The following TMEM91 variants were observed in gnomAD, a reference collection of about 807,000 sequenced individuals.
The protein encoded by TMEM91 is dispanin subfamily C member 3.
A neutral mutation model predicts 13.3 loss-of-function variants in TMEM91; 6 were observed. The ratio of observed to expected loss-of-function variants is 0.45; its 90% CI spans 0.25 to 0.89. The LOEUF is 0.89. Among genes scored for constraint, TMEM91 ranks in the 40% least tolerant of loss-of-function variants. The pLI is 0.19. For synonymous variants in TMEM91, 87 were observed against 101.7 expected, an observed-to-expected ratio of 0.86 and a Z score of 0.87; for missense variants, 193 against 228.7, an observed-to-expected ratio of 0.84 and a Z score of 1.01.
chr19:41,382,911 T>C lies in TMEM91; in HGVS notation c.350T>C (p.Leu117Pro). Residue 117 changes from leucine to proline, a missense_variant, in exon 3 of 4, where the codon CTA becomes CCA. Physicochemically the swap from Leu to Pro is moderately conservative, Grantham distance 98. Coordinates refer to ENST00000392002, the MANE Select transcript of TMEM91 (RefSeq NM_001098821.2). ...FWPVGIAAFC[L>P]AQKTNKAWAK... ...CCCGTTGGCATCGCTGCCTTCTGTC[T>C]AGCCCAGAAGGTCAGTCTGTGTGTG... 1 of 1,614,116 alleles carries C rather than the reference T, an allele frequency of 6.2e-7. No homozygotes were observed. The highest frequency in any genetic ancestry group is 8.5e-7 in the Non-Finnish European group (1 of 1,179,996).
chr19:41,382,914 CCCA>C lies in TMEM91; in HGVS notation c.354_356del (p.Gln119del), dbSNP rs758476848. Reference sequence around the variant, plus strand: ...GTTGGCATCGCTGCCTTCTGTCTAGCCCAGAAGGTCAGTCTGTGTGTGGGACTT... The same window carrying C: ...GTTGGCATCGCTGCCTTCTGTCTAGCGAAGGTCAGTCTGTGTGTGGGACTT... On this transcript the variant is annotated inframe_deletion, in exon 3 of 4. Transcript: ENST00000392002. 6.2e-7 allele frequency: 1 copy of C among 1,614,064 alleles called. No homozygotes were observed. Among genetic ancestry groups the C allele is most frequent in the East Asian group, 2.2e-5 (1 of 44,876 alleles).
intron 1 of TMEM91, among the ~76,000 whole-genome samples, chr19:41,371,133 C>T (rs886867488): frequency 2.0e-5 from 3 of 151,898 alleles, no homozygotes; most frequent in African/African-American, 7.3e-5. Context: ...TCCCGAGTAG[C>T]TGGGATTACA....
chr19:41,375,297 T>TTTTTTTTTC (rs869066634), upstream of TMEM91, among the ~76,000 whole-genome samples: 171 of 113,264 alleles, frequency 1.5e-3, 4 homozygotes, highest in South Asian at 2.4e-3. Flanking sequence ...TTTTTTTTTT[T>TTTTTTTTTC]TGAGACGGAG....
intron 2 of TMEM91, among the ~76,000 whole-genome samples, chr19:41,381,755 T>C (rs539227605): frequency 7.7e-4 from 117 of 151,766 alleles, no homozygotes; most frequent in Non-Finnish European, 1.3e-3. Context: ...CAAATGATCC[T>C]CCCGCCTTGG....
chr19:41,372,782 C>T (rs546915935), upstream of TMEM91, among the ~76,000 whole-genome samples: 1 of 151,444 alleles, frequency 6.6e-6, no homozygotes, highest in African/African-American at 2.4e-5. Context: ...CAATTTTCTC[C>T]ATTAATTTTT....
intron 1 of TMEM91, among the ~76,000 whole-genome samples, chr19:41,365,182 G>A (rs1243981502): frequency 6.6e-6 from 1 of 151,940 alleles, no homozygotes; most frequent in Non-Finnish European, 1.5e-5. Flanking sequence ...CACCCAGCCA[G>A]GCCAATAGAT....
At chr19:41,379,853 C>T (rs1329505845) in intron 2 of TMEM91, among the ~76,000 whole-genome samples, 2 of 147,956 alleles carry the variant, frequency 1.4e-5, no homozygotes, top group East Asian at 4.0e-4. Flanking sequence ...GCTGGCTGGG[C>T]ACTTTTCTCT....
At chr19:41,375,510 C>T (rs1052749105), upstream of TMEM91, among the ~76,000 whole-genome samples, 16 of 151,164 alleles carry the variant, frequency 1.1e-4, no homozygotes, top group African/African-American at 3.1e-4. Context: ...GATCTCCTGA[C>T]CTCGTGATCC....
upstream of TMEM91, among the ~76,000 whole-genome samples, chr19:41,372,435 G>A (rs2038639080): frequency 6.6e-6 from 1 of 152,004 alleles, no homozygotes; most frequent in African/African-American, 2.4e-5. Context: ...TCCTGCTTCA[G>A]CCTCTGGGAT....
chr19:41,375,162 G>A (rs897769841), upstream of TMEM91, among the ~76,000 whole-genome samples: 3 of 151,898 alleles, frequency 2.0e-5, no homozygotes, highest in Non-Finnish European at 2.9e-5. Context: ...CTCACCCATT[G>A]GCTTAGCAAG....
rs769071940 is a variant in TMEM91, at chr19:41,383,779, T to C, written c.425T>C (p.Leu142Pro). 1.2e-6 allele frequency: 2 copies of C among 1,610,494 alleles called. No individual in the cohort carries two copies. Among genetic ancestry groups the C allele is most frequent in the South Asian group, 2.2e-5 (2 of 90,752 alleles). ...GGGGCCGCCTCCCGCCGTGCCTTCC[T>C]GCTGGGGGTCCTCGCCGTCGGGCTG... is the stretch of plus-strand genomic sequence containing the variant. The part of the protein sequence containing the change: ...GAGAASRRAF[L>P]LGVLAVGLGV... The change falls in exon 4 of 4, where the codon CTG becomes CCG. Residue 142 changes from leucine to proline, a missense_variant. Coordinates refer to ENST00000392002, the MANE Select transcript of TMEM91 (RefSeq NM_001098821.2).
intron 1 of TMEM91, among the ~76,000 whole-genome samples, chr19:41,365,045 C>CTT (rs1455595205): frequency 1.4e-5 from 2 of 142,716 alleles, no homozygotes; most frequent in Admixed American, 7.1e-5. Context: ...CTGGCTAATT[C>CTT]TTTTTTTTTT....
chr19:41,367,049 G>T, intron 1 of TMEM91, among the ~76,000 whole-genome samples: 1 of 152,102 alleles, frequency 6.6e-6, no homozygotes, highest in East Asian at 1.9e-4. Context: ...GCTGAGGCAG[G>T]AGCATCACTT....
rs368069337 is a variant in TMEM91, at chr19:41,383,798, C to G, written c.444C>G (p.Val148=). 2 of 1,610,942 alleles carry G rather than the reference C, an allele frequency of 1.2e-6. No homozygotes were observed. The highest frequency in any genetic ancestry group is 1.7e-5 in the Admixed American group (1 of 59,636). The change falls in exon 4 of 4, where the codon GTC becomes GTG. Residue 148 remains valine (V), a synonymous_variant. Coordinates refer to ENST00000392002, the MANE Select transcript of TMEM91 (RefSeq NM_001098821.2). ...CCTTCCTGCTGGGGGTCCTCGCCGTCGGGCTGGGCGTGTGCACGTATGCGG... is the reference window on the plus strand; with the variant it reads ...CCTTCCTGCTGGGGGTCCTCGCCGTGGGGCTGGGCGTGTGCACGTATGCGG... ...RRAFLLGVLA[V]GLGVCTYAAA...
intron 1 of TMEM91, among the ~76,000 whole-genome samples, chr19:41,370,338 A>T (rs1259721690): frequency 6.6e-6 from 1 of 151,370 alleles, no homozygotes. Flanking sequence ...CGGCCTCTCA[A>T]AGTGCTAGGA....
intron 1 of TMEM91, among the ~76,000 whole-genome samples, chr19:41,367,356 G>A (rs2038544173): frequency 6.6e-6 from 1 of 151,984 alleles, no homozygotes; most frequent in African/African-American, 2.4e-5. Flanking sequence ...TCTGGGGCTG[G>A]GCGCGGTGGC....
At chr19:41,381,586 G>A (rs947470525) in intron 2 of TMEM91, among the ~76,000 whole-genome samples, 4 of 151,962 alleles carry the variant, frequency 2.6e-5, no homozygotes, top group Non-Finnish European at 5.9e-5. Context: ...GGACGGTCTC[G>A]ATCTCCTGAC....
intron 2 of TMEM91, among the ~76,000 whole-genome samples, chr19:41,379,408 C>T (rs1206365609): frequency 6.6e-6 from 1 of 150,596 alleles, no homozygotes; most frequent in African/African-American, 2.4e-5. Flanking sequence ...ATGGCGTGTT[C>T]CTGTAGTACC....
chr19:41,380,649 G>T lies in TMEM91; in HGVS notation c.211-2123G>T, dbSNP rs573307116. On this transcript the variant is annotated intron_variant, in intron 2 of 3. Transcript: ENST00000392002. ...AATTAGGCCAGGCGCGGTGGCTCAC[G>T]CCTGTAATCCCAGCACTTTGGGAGG... Among the ~76,000 whole-genome samples the T allele has an allele frequency of 8.9e-4, 136 of 152,040 alleles. 1 individual carries two copies. The highest frequency in any genetic ancestry group is 1.6e-3 in the Non-Finnish European group (110 of 67,980).
Sources: allele counts gnomAD v4.1 joint callset (sites outside exome capture counted in the v4.1 genomes callset), GRCh38; gene constraint gnomAD v4.1.1; transcripts MANE v1.5; gene names NCBI Gene and HGNC (gene_info 2026-07-23, HGNC 2026-07-21).